Variants in TBL1XR1 observed in about 807,000 individuals in gnomAD.
TBL1XR1 encodes F-box-like/WD repeat-containing protein TBL1XR1.
In TBL1XR1, 5 loss-of-function variants were observed where a neutral mutation model predicts 66.9. The ratio of observed to expected loss-of-function variants is 0.07; its 90% CI spans 0.04 to 0.16. The LOEUF (loss-of-function observed/expected upper bound fraction) is 0.16, where lower values mean the gene tolerates loss of function less well. Among genes scored for constraint, TBL1XR1 ranks in the 10% least tolerant of loss-of-function variants. The pLI, the probability that TBL1XR1 is intolerant of heterozygous loss-of-function variation, is 1.00. For synonymous variants in TBL1XR1, 210 were observed against 206.0 expected, an observed-to-expected ratio of 1.02 and a Z score of -0.17; for missense variants, 238 against 623.2, an observed-to-expected ratio of 0.38 and a Z score of 6.58.
chr3:177,123,564 C>CTG (rs1291491602), intron 1 of TBL1XR1, among the ~76,000 whole-genome samples: 1 of 144,254 alleles, frequency 6.9e-6, no homozygotes. Context: ...AAAAAGATAC[C>CTG]TAATTTTCTC....
At chr3:177,165,298 C>A (rs1732693796) in intron 1 of TBL1XR1, among the ~76,000 whole-genome samples, 1 of 152,132 alleles carries the variant, frequency 6.6e-6, no homozygotes, top group Non-Finnish European at 1.5e-5. Flanking sequence ...ACAAATCTAA[C>A]AATATGGATA....
At chr3:177,161,770 T>G (rs1165292068) in intron 1 of TBL1XR1, among the ~76,000 whole-genome samples, 4 of 141,500 alleles carry the variant, frequency 2.8e-5, no homozygotes, top group African/African-American at 1.0e-4. Context: ...GGTGACAGAG[T>G]GAGACTCTGA....
At chr3:177,085,946 T>C (rs906172280) in intron 2 of TBL1XR1, among the ~76,000 whole-genome samples, 13 of 152,158 alleles carry the variant, frequency 8.5e-5, no homozygotes, top group Admixed American at 5.2e-4. Context: ...CTTGGTTCTG[T>C]AACTATGACA....
intron 9 of TBL1XR1, among the ~76,000 whole-genome samples, chr3:177,046,440 G>A (rs1014145240): frequency 6.6e-6 from 1 of 152,002 alleles, no homozygotes; most frequent in African/African-American, 2.4e-5. Flanking sequence ...TCTACAAAGG[G>A]CCAGGCATTA....
chr3:177,079,871 C>T (rs1560150950), intron 2 of TBL1XR1: 1 of 151,762 alleles, frequency 6.6e-6, no homozygotes, highest in East Asian at 1.9e-4. Context: ...AATATCAGGC[C>T]GCATGATGTA....
chr3:177,157,665 G>A (rs146351557), intron 1 of TBL1XR1, among the ~76,000 whole-genome samples: 1,689 of 152,152 alleles, frequency 0.011, 21 homozygotes, highest in Middle Eastern at 0.031. Context: ...ATGTCTTAGA[G>A]GGATCTTTAT....
At chr3:177,192,199 C>T (rs560271588) in intron 1 of TBL1XR1, among the ~76,000 whole-genome samples, 1 of 151,522 alleles carries the variant, frequency 6.6e-6, no homozygotes, top group African/African-American at 2.4e-5. Flanking sequence ...AGATGGAGAC[C>T]ACATGGTGAA....
At chr3:177,170,030 T>G (rs1398964096) in intron 1 of TBL1XR1, among the ~76,000 whole-genome samples, 5 of 152,180 alleles carry the variant, frequency 3.3e-5, no homozygotes, top group African/African-American at 4.8e-5. Flanking sequence ...TCCAGGTGAT[T>G]CTGATGCACA....
intron 14 of TBL1XR1, chr3:177,032,525 GAATCTC>G (rs1714151019): frequency 6.6e-6 from 1 of 152,338 alleles, no homozygotes; most frequent in African/African-American, 2.4e-5. Context: ...CCACTTCTAA[GAATCTC>G]TGAAACACCA....
chr3:177,109,557 ATTG>A (rs1725302747), intron 1 of TBL1XR1, among the ~76,000 whole-genome samples: 1 of 152,164 alleles, frequency 6.6e-6, no homozygotes, highest in East Asian at 1.9e-4. Flanking sequence ...TCTACTAGAG[ATTG>A]TTAACATTAA....
intron 1 of TBL1XR1, among the ~76,000 whole-genome samples, chr3:177,158,298 G>T (rs1256831758): frequency 1.3e-5 from 2 of 149,270 alleles, no homozygotes; most frequent in Non-Finnish European, 3.0e-5. Context: ...CACAATCTTG[G>T]CTCACTGCAA....
At chr3:177,151,596 C>CA (rs973826837) in intron 1 of TBL1XR1, among the ~76,000 whole-genome samples, 49 of 152,170 alleles carry the variant, frequency 3.2e-4, no homozygotes, top group African/African-American at 1.2e-3. Flanking sequence ...TCCCTGGTGC[C>CA]AAAAAGGTTG....
chr3:177,072,453 T>C (rs973870849), intron 2 of TBL1XR1, among the ~76,000 whole-genome samples: 8 of 149,494 alleles, frequency 5.4e-5, no homozygotes, highest in African/African-American at 2.0e-4. Flanking sequence ...CATTGTATTT[T>C]TTCACCACTA....
chr3:177,155,170 G>C (rs969008778), intron 1 of TBL1XR1, among the ~76,000 whole-genome samples: 6 of 152,148 alleles, frequency 3.9e-5, no homozygotes, highest in Admixed American at 3.9e-4. Context: ...ACTGATCTAA[G>C]TTTAAGAAGC....
At chr3:177,073,012 C>G (rs1720242226) in intron 2 of TBL1XR1, among the ~76,000 whole-genome samples, 1 of 151,388 alleles carries the variant, frequency 6.6e-6, no homozygotes. Flanking sequence ...TGCAGTGAGC[C>G]AAGACAGGAC....
chr3:177,177,604 T>TC (rs1323334856), intron 1 of TBL1XR1, among the ~76,000 whole-genome samples: 5 of 152,214 alleles, frequency 3.3e-5, no homozygotes. Flanking sequence ...CTCACATATG[T>TC]CCCTGGGCTT....
intron 2 of TBL1XR1, among the ~76,000 whole-genome samples, chr3:177,088,369 CTA>C (rs373548337): frequency 6.6e-6 from 1 of 151,616 alleles, no homozygotes; most frequent in Non-Finnish European, 1.5e-5. Context: ...TGCCCTCAGG[CTA>C]TATATATATA....
chr3:177,172,607 C>G (rs1310517238), intron 1 of TBL1XR1, among the ~76,000 whole-genome samples: 2 of 131,190 alleles, frequency 1.5e-5, no homozygotes, highest in Non-Finnish European at 3.1e-5. Flanking sequence ...AGTGACAAGG[C>G]AAGACCCTCA....
At chr3:177,188,697 TC>T (rs1429701907) in intron 1 of TBL1XR1, among the ~76,000 whole-genome samples, 1 of 152,162 alleles carries the variant, frequency 6.6e-6, no homozygotes, top group Non-Finnish European at 1.5e-5. Context: ...CAACAGGTAT[TC>T]CTCCTCCCTC....
Sources: allele counts gnomAD v4.1 joint callset (sites outside exome capture counted in the v4.1 genomes callset), GRCh38; gene constraint gnomAD v4.1.1; transcripts MANE v1.5; gene names NCBI Gene and HGNC (gene_info 2026-07-23, HGNC 2026-07-21).